The following ROBO1 variants were observed in gnomAD, a reference collection of about 807,000 sequenced individuals.
The protein encoded by ROBO1 is roundabout guidance receptor 1, also known as roundabout homolog 1.
A neutral mutation model predicts 195.9 loss-of-function variants in ROBO1; 149 were observed. The observed-to-expected ratio is 0.76, with a 90% CI of 0.67 to 0.87. The LOEUF (loss-of-function observed/expected upper bound fraction) is 0.87. Among genes scored for constraint, ROBO1 ranks in the 40% least tolerant of loss-of-function variants. ROBO1 has a pLI of 0.00. For missense variants in ROBO1, 1,933 were observed against 2,068.3 expected (o/e 0.93, Z 1.27); for synonymous variants, 816 against 733.2 (o/e 1.11, Z -1.82).
chr3:79,035,000 GTTACTT>G (rs1249016479), intron 3 of ROBO1, among the ~76,000 whole-genome samples: 1 of 151,934 alleles, frequency 6.6e-6, no homozygotes, highest in African/African-American at 2.4e-5. Flanking sequence ...TACAGCATGT[GTTACTT>G]TTAGAATAAA....
At position 79,372,561 on chromosome 3, in the gene ROBO1, G is replaced by GCT. The variant is rs547154121; in HGVS notation, c.88+217261_88+217262dup. ...GGAGTGCTGGCTTGAATGCTCACGT[G>GCT]CTCTCTCTCTCTCTTTCTCTGCCTT... On this transcript the variant is annotated intron_variant, in intron 2 of 30. Coordinates refer to ENST00000464233, the MANE Select transcript of ROBO1 (RefSeq NM_002941.4). Among the ~76,000 whole-genome samples, 572 of 151,114 alleles carry GCT rather than the reference G, an allele frequency of 3.8e-3. 1 individual carries two copies. Among genetic ancestry groups the GCT allele is most frequent in the African/African-American group, 6.9e-3 (286 of 41,216 alleles).
At chr3:79,162,916 CAT>C (rs1230991707) in intron 2 of ROBO1, among the ~76,000 whole-genome samples, 2 of 152,048 alleles carry the variant, frequency 1.3e-5, no homozygotes, top group African/African-American at 2.4e-5. Context: ...ACTAAAAAAT[CAT>C]ATGTTTAAAT....
chr3:79,704,279 T>G (rs1947704232), intron 1 of ROBO1, among the ~76,000 whole-genome samples: 1 of 151,948 alleles, frequency 6.6e-6, no homozygotes, highest in African/African-American at 2.4e-5. Context: ...ACAGCATGAA[T>G]CCACCCTTGT....
At chr3:78,631,865 T>C (rs1705207431) in intron 24 of ROBO1, among the ~76,000 whole-genome samples, 1 of 152,194 alleles carries the variant, frequency 6.6e-6, no homozygotes, top group African/African-American at 2.4e-5. Context: ...AAATGATTTT[T>C]AAAAGGGACA....
intron 2 of ROBO1, among the ~76,000 whole-genome samples, chr3:79,439,923 T>A (rs908276288): frequency 6.6e-6 from 1 of 150,968 alleles, no homozygotes; most frequent in South Asian, 2.1e-4. Flanking sequence ...GGGAAGAGAG[T>A]GACAATATTT....
intron 1 of ROBO1, among the ~76,000 whole-genome samples, chr3:79,717,885 G>A (rs1702552555): frequency 6.6e-6 from 1 of 152,008 alleles, no homozygotes; most frequent in Non-Finnish European, 1.5e-5. Flanking sequence ...GATTAAGTGG[G>A]AAAGACGTGG....
chr3:78,729,742 C>T (rs2082245523), intron 5 of ROBO1, among the ~76,000 whole-genome samples: 1 of 152,108 alleles, frequency 6.6e-6, no homozygotes, highest in African/African-American at 2.4e-5. Context: ...GTGGTTTTAG[C>T]CTTTGCTAGC....
At chr3:78,977,823 C>A (rs543775858) in intron 3 of ROBO1, among the ~76,000 whole-genome samples, 1 of 152,068 alleles carries the variant, frequency 6.6e-6, no homozygotes, top group Admixed American at 6.6e-5. Context: ...CTTACTGAAA[C>A]TCTCACCAGT....
chr3:78,917,073 T>G (rs568443948), intron 4 of ROBO1, among the ~76,000 whole-genome samples: 9 of 151,744 alleles, frequency 5.9e-5, no homozygotes, highest in African/African-American at 2.2e-4. Context: ...AATGTCAGTA[T>G]AGTCAGAGTT....
intron 4 of ROBO1, among the ~76,000 whole-genome samples, chr3:78,928,317 C>T (rs993821254): frequency 6.6e-6 from 1 of 152,062 alleles, no homozygotes; most frequent in Non-Finnish European, 1.5e-5. Context: ...CCTTCTAGAA[C>T]AGTTCATAAG....
At chr3:78,789,057 A>G (rs1188247183) in intron 4 of ROBO1, among the ~76,000 whole-genome samples, 1 of 152,174 alleles carries the variant, frequency 6.6e-6, no homozygotes, top group African/African-American at 2.4e-5. Flanking sequence ...CAGTATTGTT[A>G]TGCAAAATAA....
chr3:79,530,660 G>A (rs1453031780), intron 2 of ROBO1, among the ~76,000 whole-genome samples: 1 of 151,498 alleles, frequency 6.6e-6, no homozygotes, highest in Non-Finnish European at 1.5e-5. Context: ...AGTGGCTATC[G>A]CTTCCTAGCT....
chr3:78,791,406 C>A (rs76367399), intron 4 of ROBO1, among the ~76,000 whole-genome samples: 4,052 of 152,176 alleles, frequency 0.027, 167 homozygotes, highest in African/African-American at 0.091. Context: ...AAAATCTTCT[C>A]TCTCATAATT....
At chr3:78,785,980 A>C (rs2108503295) in intron 4 of ROBO1, among the ~76,000 whole-genome samples, 1 of 152,344 alleles carries the variant, frequency 6.6e-6, no homozygotes, top group South Asian at 2.1e-4. Context: ...GGTACCAATA[A>C]AAACAGCTAG....
Position 78,736,396 on chromosome 3 carries a change from C to G in ROBO1, c.657+10347G>C, listed in dbSNP as rs140760167. Reference sequence around the variant, plus strand: ...TTTAGAATAGATTATAAGAGAAGTACTTGGTAAAAGGAAAACAAACAGATA... The same window carrying G: ...TTTAGAATAGATTATAAGAGAAGTAGTTGGTAAAAGGAAAACAAACAGATA... On this transcript the variant is annotated intron_variant, in intron 5 of 30. Coordinates refer to ENST00000464233, the MANE Select transcript of ROBO1 (RefSeq NM_002941.4). Among the ~76,000 whole-genome samples, 214 of 152,038 alleles carry G rather than the reference C, an allele frequency of 1.4e-3. 2 individuals carry two copies. The highest frequency in any genetic ancestry group is 4.5e-3 in the African/African-American group (187 of 41,460).
intron 2 of ROBO1, among the ~76,000 whole-genome samples, chr3:79,259,237 C>T (rs1325669613): frequency 1.3e-4 from 20 of 152,056 alleles, no homozygotes; most frequent in Admixed American, 9.2e-4. Context: ...TTCCGCCTCC[C>T]GAGCTCAAGG....
intron 2 of ROBO1, among the ~76,000 whole-genome samples, chr3:79,394,851 G>A (rs1396703721): frequency 6.6e-6 from 1 of 152,076 alleles, no homozygotes; most frequent in Non-Finnish European, 1.5e-5. Context: ...TTCAGTTGAT[G>A]TTATTCTAAT....
intron 14 of ROBO1, among the ~76,000 whole-genome samples, chr3:78,666,937 T>C (rs1215520974): frequency 1.3e-5 from 2 of 152,100 alleles, no homozygotes; most frequent in African/African-American, 4.8e-5. Context: ...CCTCTGTATG[T>C]TGAGAAAATA....
In ROBO1 at chr3:78,840,468, T is replaced by C. The variant is rs559256601; in HGVS notation, c.500-93568A>G. On this transcript the variant is annotated intron_variant, in intron 4 of 30. Coordinates refer to ENST00000464233, the MANE Select transcript of ROBO1 (RefSeq NM_002941.4). Reference sequence around the variant, plus strand: ...CATGAGTATAAATGCTCTATAGTTGTTAATTCATTCATTTCTTACAACAAT... The same window carrying C: ...CATGAGTATAAATGCTCTATAGTTGCTAATTCATTCATTTCTTACAACAAT... 2.6e-4 allele frequency among the ~76,000 whole-genome samples: 39 copies of C among 152,302 alleles called. No homozygotes were observed. The Middle Eastern group carries it at 0.01, about 40-fold the overall frequency.
Sources: gnomAD v4.1 joint callset for allele counts (sites outside exome capture counted in the v4.1 genomes callset) on GRCh38, gnomAD v4.1.1 for gene constraint, MANE v1.5 for transcripts, NCBI Gene and HGNC (gene_info 2026-07-23, HGNC 2026-07-21) for gene names.